ZC3H11A: variants seen among roughly 807,000 people sequenced by gnomAD.
ZC3H11A encodes zinc finger CCCH-type containing 11A.
ZC3H11A carries 22 observed loss-of-function variants against 90.8 expected under a neutral mutation model. That is an observed-to-expected ratio of 0.24 (90% CI 0.17 to 0.35). ZC3H11A has a LOEUF of 0.35. Ranked by LOEUF, ZC3H11A falls within the 10% of genes least tolerant of loss-of-function variation. The probability of loss-of-function intolerance (pLI) is 1.00; values close to 1 mark genes in which losing one functional copy is unlikely to be tolerated. For missense variants in ZC3H11A, 701 were observed against 964.9 expected (o/e 0.73, Z 3.62); for synonymous variants, 294 against 339.8 (o/e 0.87, Z 1.48).
intron 2 of ZC3H11A, among the ~76,000 whole-genome samples, chr1:203,811,652 T>A (rs950695675): frequency 7.9e-5 from 12 of 151,950 alleles, no homozygotes; most frequent in Admixed American, 1.3e-4. Flanking sequence ...GAGACTACAG[T>A]TGTGGGCTAC....
chr1:203,846,524 C>A (rs1298824975), intron 12 of ZC3H11A, among the ~76,000 whole-genome samples: 1 of 152,100 alleles, frequency 6.6e-6, no homozygotes, highest in Non-Finnish European at 1.5e-5. Flanking sequence ...CCTACCTTAT[C>A]AAAGCAGTTA....
At chr1:203,810,185 A>G (rs924976200) in intron 2 of ZC3H11A, among the ~76,000 whole-genome samples, 13 of 151,264 alleles carry the variant, frequency 8.6e-5, no homozygotes, top group Non-Finnish European at 1.6e-4. Flanking sequence ...TCTGTTGCCC[A>G]GGCTGTTCTT....
intron 4 of ZC3H11A, among the ~76,000 whole-genome samples, chr1:203,820,852 C>T (rs1180206053): frequency 6.6e-6 from 1 of 152,092 alleles, no homozygotes; most frequent in African/African-American, 2.4e-5. Context: ...TAACTTTGAT[C>T]ACTCAATTAA....
intron 12 of ZC3H11A, among the ~76,000 whole-genome samples, chr1:203,842,933 TTTAA>T (rs1352150579): frequency 1.3e-5 from 2 of 151,702 alleles, no homozygotes; most frequent in African/African-American, 4.8e-5. Context: ...TCTTTTTTTT[TTTAA>T]TACCTTGCTG....
chr1:203,831,918 C>T, intron 9 of ZC3H11A, 147 bp downstream of exon 9: 2 of 638,602 alleles, frequency 3.1e-6, no homozygotes, highest in South Asian at 2.2e-5. Flanking sequence ...AAAGTTGGTA[C>T]ATTCAACTCT....
rs59254922 is a variant in ZC3H11A, at chr1:203,815,216, C to CTTTTTTTTTTTTTTTTTTT, written c.-145-1694_-145-1693insTTTTTTTTTTTTTTTTTTT. 9.3e-5 allele frequency among the ~76,000 whole-genome samples: 9 copies of CTTTTTTTTTTTTTTTTTTT among 97,150 alleles called. 1 individual carries two copies. The highest frequency in any genetic ancestry group is 3.1e-4 in the Admixed American group (2 of 6,502). The allele number at this position is 97,150 out of a possible 152,430, so 63.7% of individuals were successfully genotyped here. A position where few individuals can be genotyped will look rare whatever the true frequency, so the allele number is the denominator to read the frequency against. On this transcript the variant is annotated intron_variant, in intron 2 of 17. Transcript: ENST00000367210. ...TTCATTATTTTCTTCCTTTTCTTTT[C>CTTTTTTTTTTTTTTTTTTT]TTTTTTTTTTTTTTTTGAGACAGTG...
chr1:203,814,657 T>C (rs1391970700), intron 2 of ZC3H11A, among the ~76,000 whole-genome samples: 1 of 152,220 alleles, frequency 6.6e-6, no homozygotes, highest in Non-Finnish European at 1.5e-5. Flanking sequence ...TCTAGGCCTT[T>C]TCTATCAAGT....
chr1:203,815,217 T>TTTTTC (rs1553261511), intron 2 of ZC3H11A, among the ~76,000 whole-genome samples: 1 of 5,838 alleles, frequency 1.7e-4, no homozygotes. Flanking sequence ...TTTTCTTTTC[T>TTTTTC]TTTTTTTTTT....
At chr1:203,814,350 CCT>C (rs1483281163) in intron 2 of ZC3H11A, among the ~76,000 whole-genome samples, 1 of 152,094 alleles carries the variant, frequency 6.6e-6, no homozygotes, top group African/African-American at 2.4e-5. Flanking sequence ...ATGGCGAAAC[CCT>C]GTCTCTACTA....
intron 4 of ZC3H11A, among the ~76,000 whole-genome samples, chr1:203,822,671 A>G (rs1269357766): frequency 1.3e-5 from 2 of 152,132 alleles, no homozygotes; most frequent in African/African-American, 4.8e-5. Flanking sequence ...GCACAGAGAC[A>G]TTGCTAACCC....
chr1:203,810,349 T>A (rs1447136073), intron 2 of ZC3H11A, among the ~76,000 whole-genome samples: 2 of 152,064 alleles, frequency 1.3e-5, no homozygotes, highest in Non-Finnish European at 2.9e-5. Flanking sequence ...TGTATAAAGA[T>A]GATATATAAA....
At chr1:203,832,549 C>T (rs1488633725) in intron 9 of ZC3H11A, among the ~76,000 whole-genome samples, 1 of 152,034 alleles carries the variant, frequency 6.6e-6, no homozygotes, top group African/African-American at 2.4e-5. Context: ...TTGGTAGAAA[C>T]GGGGTTTCAC....
chr1:203,817,184 G>T, intron 3 of ZC3H11A, 60 bp downstream of exon 3: 1 of 1,397,612 alleles, frequency 7.2e-7, no homozygotes. Context: ...AATTGGATAA[G>T]ATTTTCCCAA....
intron 1 of ZC3H11A, chr1:203,798,163 G>C (rs972597260): frequency 6.5e-7 from 1 of 1,536,014 alleles, no homozygotes; most frequent in Non-Finnish European, 8.7e-7. Context: ...AGCAATGGAA[G>C]CTTTGAATAT....
At chr1:203,825,435 T>C (rs1680198852) in intron 4 of ZC3H11A, among the ~76,000 whole-genome samples, 1 of 143,602 alleles carries the variant, frequency 7.0e-6, no homozygotes. Flanking sequence ...AGGATTTTTT[T>C]TTTTTTTTTT....
chr1:203,824,472 G>A (rs893292872), intron 4 of ZC3H11A, among the ~76,000 whole-genome samples: 14 of 151,984 alleles, frequency 9.2e-5, no homozygotes, highest in Admixed American at 2.0e-4. Flanking sequence ...CCATATTTGC[G>A]AATTTGCCTA....
intron 17 of ZC3H11A, among the ~76,000 whole-genome samples, chr1:203,851,815 TA>T (rs111499575): frequency 0.18 from 26,914 of 147,136 alleles, 2,540 homozygotes; most frequent in Middle Eastern, 0.26. Flanking sequence ...ATCAAAGAAA[TA>T]AAAAAAAAAT....
At chr1:203,799,897 A>G (rs1335820983) in intron 1 of ZC3H11A, 4 of 1,535,996 alleles carry the variant, frequency 2.6e-6, no homozygotes, top group Admixed American at 3.9e-5. Flanking sequence ...GAAACTTATA[A>G]GCAGTTCCTT....
intron 4 of ZC3H11A, among the ~76,000 whole-genome samples, chr1:203,822,000 G>A (rs189957531): frequency 1.1e-3 from 174 of 152,054 alleles, no homozygotes; most frequent in African/African-American, 3.4e-3. Flanking sequence ...CTCGTGATCC[G>A]CCCGCCTTGG....
Sources: gnomAD v4.1 joint callset for allele counts (sites outside exome capture counted in the v4.1 genomes callset) on GRCh38, gnomAD v4.1.1 for gene constraint, MANE v1.5 for transcripts, NCBI Gene and HGNC (gene_info 2026-07-23, HGNC 2026-07-21) for gene names.